Variants in PAFAH1B1 observed in about 807,000 individuals in gnomAD.
PAFAH1B1 encodes the protein platelet activating factor acetylhydrolase 1b regulatory subunit 1.
PAFAH1B1 carries 2 observed loss-of-function variants against 57.5 expected under a neutral mutation model. The observed-to-expected ratio is 0.03, with a 90% CI of 0.01 to 0.11. The LOEUF (loss-of-function observed/expected upper bound fraction) is 0.11. Ranked by LOEUF, PAFAH1B1 falls within the 10% of genes least tolerant of loss-of-function variation. The pLI is 1.00. For missense variants in PAFAH1B1, 257 were observed against 512.0 expected, an observed-to-expected ratio of 0.50 and a Z score of 4.81; for synonymous variants, 152 against 169.6, an observed-to-expected ratio of 0.90 and a Z score of 0.81.
chr17:2,675,713 C>T (rs942476076), intron 8 of PAFAH1B1, among the ~76,000 whole-genome samples: 1 of 151,580 alleles, frequency 6.6e-6, no homozygotes, highest in Non-Finnish European at 1.5e-5. Flanking sequence ...TGGTGGTACA[C>T]TCCTGTAGTC....
At chr17:2,594,926 G>A (rs1281616910) in intron 1 of PAFAH1B1, among the ~76,000 whole-genome samples, 2 of 152,206 alleles carry the variant, frequency 1.3e-5, no homozygotes, top group Admixed American at 1.3e-4. Flanking sequence ...CAGTAGAGGG[G>A]AAGAGGTTTT....
chr17:2,636,264 ATAG>A (rs1207065379), intron 1 of PAFAH1B1, among the ~76,000 whole-genome samples: 2 of 152,160 alleles, frequency 1.3e-5, no homozygotes, highest in African/African-American at 4.8e-5. Context: ...AGATGGAGTG[ATAG>A]TGATGGCTTT....
intron 1 of PAFAH1B1, among the ~76,000 whole-genome samples, chr17:2,628,272 TTAA>T (rs2068516248): frequency 6.6e-6 from 1 of 152,190 alleles, no homozygotes; most frequent in Non-Finnish European, 1.5e-5. Context: ...GCAGAGAGTT[TTAA>T]TTATAAAGGG....
intron 2 of PAFAH1B1, among the ~76,000 whole-genome samples, chr17:2,657,274 C>A (rs2068948834): frequency 6.6e-6 from 1 of 152,190 alleles, no homozygotes; most frequent in Non-Finnish European, 1.5e-5. Context: ...ACAAGAGTCT[C>A]ACTGTGTCAC....
At chr17:2,605,552 A>G (rs2068195351) in intron 1 of PAFAH1B1, among the ~76,000 whole-genome samples, 2 of 152,070 alleles carry the variant, frequency 1.3e-5, no homozygotes, top group South Asian at 2.1e-4. Context: ...ATTGCCTTCC[A>G]TGTCTACTGT....
intron 1 of PAFAH1B1, among the ~76,000 whole-genome samples, chr17:2,608,135 A>C (rs1033611355): frequency 2.0e-5 from 3 of 151,706 alleles, no homozygotes; most frequent in Admixed American, 2.0e-4. Flanking sequence ...TCCAAGCTGG[A>C]GTGCAATGGC....
Position 2,685,305 on chromosome 17 carries a change from A to ATT in PAFAH1B1, c.*3504_*3505insTT, listed in dbSNP as rs1212922481. On this transcript the variant is annotated 3_prime_UTR_variant, in exon 11 of 11. Transcript: ENST00000397195. Reference sequence around the variant, plus strand: ...GGCATCCCTAAAGCTCACTCTGAAGATGTTAGAGACAAACACAAACTCTTC... The same window carrying ATT: ...GGCATCCCTAAAGCTCACTCTGAAGATTTGTTAGAGACAAACACAAACTCTTC... The ATT allele has an allele frequency of 6.6e-6, 1 of 152,646 alleles. No homozygotes were observed. The highest frequency in any genetic ancestry group is 2.4e-5 in the African/African-American group (1 of 41,448). The allele number at this position is 152,646 out of a possible 1,614,324, so 9.5% of individuals were successfully genotyped here.
At chr17:2,651,112 G>A (rs2068843570) in intron 2 of PAFAH1B1, among the ~76,000 whole-genome samples, 1 of 152,014 alleles carries the variant, frequency 6.6e-6, no homozygotes, top group African/African-American at 2.4e-5. Context: ...TGCAAGAAAG[G>A]GATCGAAGTG....
At chr17:2,621,906 G>A (rs1251027716) in intron 1 of PAFAH1B1, among the ~76,000 whole-genome samples, 2 of 152,178 alleles carry the variant, frequency 1.3e-5, no homozygotes, top group African/African-American at 4.8e-5. Context: ...AGTTCCACAT[G>A]GCTGGGGAGG....
At chr17:2,664,698 C>G (rs1040197726) in intron 2 of PAFAH1B1, among the ~76,000 whole-genome samples, 5 of 145,822 alleles carry the variant, frequency 3.4e-5, no homozygotes, top group African/African-American at 1.0e-4. Flanking sequence ...CTCTCTTTCT[C>G]TCTCCATCTA....
At chr17:2,643,035 T>G (rs1259591838) in intron 2 of PAFAH1B1, among the ~76,000 whole-genome samples, 1 of 152,144 alleles carries the variant, frequency 6.6e-6, no homozygotes, top group Admixed American at 6.5e-5. Flanking sequence ...ATATATATCT[T>G]CTTATTTCTC....
At chr17:2,623,309 G>T (rs1314331168) in intron 1 of PAFAH1B1, among the ~76,000 whole-genome samples, 4 of 122,902 alleles carry the variant, frequency 3.3e-5, no homozygotes, top group African/African-American at 9.4e-5. Context: ...TCACTCTGTC[G>T]CCCGGGCTGG....
At chr17:2,640,079 A>C (rs1051562566) in intron 2 of PAFAH1B1, 1 of 152,242 alleles carries the variant, frequency 6.6e-6, no homozygotes, top group Non-Finnish European at 1.5e-5. Context: ...TGTGTGCAGT[A>C]TGCAATAGGT....
At chr17:2,664,814 T>C (rs1181635488) in intron 2 of PAFAH1B1, among the ~76,000 whole-genome samples, 2 of 152,180 alleles carry the variant, frequency 1.3e-5, no homozygotes, top group Non-Finnish European at 2.9e-5. Flanking sequence ...CTTCAAGTTC[T>C]AATTCTAAAT....
At chr17:2,633,307 A>G (rs1430480540) in intron 1 of PAFAH1B1, among the ~76,000 whole-genome samples, 3 of 151,324 alleles carry the variant, frequency 2.0e-5, no homozygotes, top group Admixed American at 1.3e-4. Context: ...AGCTGGGATT[A>G]CAGGTGCCTG....
At chr17:2,638,377 T>G in intron 2 of PAFAH1B1, 57 bp downstream of exon 2, 3 of 1,373,648 alleles carry the variant, frequency 2.2e-6, no homozygotes, top group Non-Finnish European at 3.1e-6. Context: ...GAGAAAGTAG[T>G]AAATTAAAAT....
intron 6 of PAFAH1B1, 167 bp downstream of exon 6, chr17:2,670,498 G>A (rs1271000870): frequency 4.6e-6 from 3 of 654,934 alleles, no homozygotes; most frequent in Non-Finnish European, 8.1e-6. Flanking sequence ...GTAGTTGAGA[G>A]TGCTTTCTAT....
chr17:2,603,999 G>A (rs1369876263), intron 1 of PAFAH1B1, among the ~76,000 whole-genome samples: 1 of 152,088 alleles, frequency 6.6e-6, no homozygotes, highest in East Asian at 1.9e-4. Flanking sequence ...GCCTCCCAAA[G>A]TGCTGGGATT....
intron 2 of PAFAH1B1, among the ~76,000 whole-genome samples, chr17:2,643,377 C>T (rs759465999): frequency 5.3e-5 from 8 of 152,142 alleles, no homozygotes; most frequent in Non-Finnish European, 8.8e-5. Flanking sequence ...CCTCTGCCCC[C>T]CTAATAGCTG....
Sources: gnomAD v4.1 joint callset for allele counts (sites outside exome capture counted in the v4.1 genomes callset) on GRCh38, gnomAD v4.1.1 for gene constraint, MANE v1.5 for transcripts, NCBI Gene and HGNC (gene_info 2026-07-23, HGNC 2026-07-21) for gene names.